Variants in USP40 observed in about 807,000 individuals in gnomAD.
The protein encoded by USP40 is ubiquitin carboxyl-terminal hydrolase 40.
A neutral mutation model predicts 166.2 loss-of-function variants in USP40; 143 were observed. That is an observed-to-expected ratio of 0.86 (90% CI 0.75 to 0.99). USP40 has a LOEUF of 0.99. USP40 is among the 50% of genes least tolerant of loss of function. USP40 has a pLI of 0.00. For missense variants in USP40, 1,444 were observed against 1,479.7 expected (o/e 0.98, Z 0.40); for synonymous variants, 498 against 524.0 (o/e 0.95, Z 0.68).
At position 233,486,261 on chromosome 2, in the gene USP40, C is replaced by A. The variant is rs1490887200; in HGVS notation, c.3198-284G>T. Among the ~76,000 whole-genome samples, 1 of 152,108 alleles carries A rather than the reference C, an allele frequency of 6.6e-6. No individual in the cohort carries two copies. The highest frequency in any genetic ancestry group is 1.5e-5 in the Non-Finnish European group (1 of 68,022). ...GTGCGGGAGAAAAGGAAAGAGGTGG[C>A]GGCCTGAGCAGGTACGATGTGGCAG... On this transcript the variant is annotated intron_variant, in intron 28 of 31. Transcript: ENST00000678225. The surrounding 1 kb of genome is among the most constrained non-coding windows in gnomAD (Gnocchi z 4.0).
intron 3 of USP40, chr2:233,560,904 C>T: frequency 1.6e-6 from 1 of 621,390 alleles, no homozygotes; most frequent in Non-Finnish European, 2.9e-6. Context: ...ATTTCCTTCA[C>T]CAGAAGAAAG....
intron 27 of USP40, among the ~76,000 whole-genome samples, chr2:233,488,790 C>A (rs1023914420): frequency 6.6e-6 from 1 of 152,110 alleles, no homozygotes; most frequent in African/African-American, 2.4e-5. Flanking sequence ...CCTGAGGTCC[C>A]AGCTACACAG....
chr2:233,508,842 G>A (rs1450904745), intron 21 of USP40, among the ~76,000 whole-genome samples: 1 of 152,142 alleles, frequency 6.6e-6, no homozygotes, highest in Non-Finnish European at 1.5e-5. Flanking sequence ...GGATCATTAT[G>A]AACTCACAGA....
chr2:233,505,605 C>T (rs938226803), intron 21 of USP40, among the ~76,000 whole-genome samples: 3 of 151,980 alleles, frequency 2.0e-5, no homozygotes, highest in South Asian at 2.1e-4. Context: ...TGGACATATA[C>T]AATATACTAA....
intron 10 of USP40, among the ~76,000 whole-genome samples, chr2:233,537,982 T>A (rs757770385): frequency 2.6e-5 from 4 of 152,166 alleles, no homozygotes; most frequent in Non-Finnish European, 5.9e-5. Flanking sequence ...ACATTACATG[T>A]AATGGTAAAA....
intron 10 of USP40, among the ~76,000 whole-genome samples, chr2:233,539,134 CT>C (rs1041061743): frequency 6.6e-6 from 1 of 151,138 alleles, no homozygotes; most frequent in Middle Eastern, 3.4e-3. Flanking sequence ...ACTGTCAAAA[CT>C]TTTTTTTAAA....
At chr2:233,478,119 A>G (rs918514847) in intron 31 of USP40, among the ~76,000 whole-genome samples, 3 of 152,276 alleles carry the variant, frequency 2.0e-5, no homozygotes, top group African/African-American at 7.2e-5. Context: ...CCTTTCCTTC[A>G]ATACGGCCAG....
intron 10 of USP40, among the ~76,000 whole-genome samples, chr2:233,536,897 T>C (rs1185265663): frequency 6.6e-6 from 1 of 152,196 alleles, no homozygotes; most frequent in African/African-American, 2.4e-5. Context: ...TCCTTTTTTT[T>C]CTTTTGGAGA....
rs2064480842 is a variant in USP40, at chr2:233,480,224, G to A, written c.3599+979C>T. On this transcript the variant is annotated intron_variant, in intron 31 of 31. Transcript: ENST00000678225. This position sits in a 1 kb window ranked among gnomAD's most constrained non-coding sequence, Gnocchi z 4.5. ...CGGGCAGCCAAGATACTGAGGGGCAGAAGAAGGGGATTAGGGTGAGCGGGG... is the reference window on the plus strand; with the variant it reads ...CGGGCAGCCAAGATACTGAGGGGCAAAAGAAGGGGATTAGGGTGAGCGGGG... Among the ~76,000 whole-genome samples, 2 of 152,256 alleles carry A rather than the reference G, an allele frequency of 1.3e-5. No individual in the cohort carries two copies. The highest frequency in any genetic ancestry group is 2.9e-5 in the Non-Finnish European group (2 of 68,048).
chr2:233,514,882 C>G (rs1443184841), intron 18 of USP40, among the ~76,000 whole-genome samples: 1 of 152,180 alleles, frequency 6.6e-6, no homozygotes, highest in Non-Finnish European at 1.5e-5. Flanking sequence ...GCATCATCCC[C>G]CCTAAAACTC....
At chr2:233,537,288 C>T (rs1350012330) in intron 10 of USP40, among the ~76,000 whole-genome samples, 4 of 152,132 alleles carry the variant, frequency 2.6e-5, no homozygotes, top group Admixed American at 1.3e-4. Flanking sequence ...ACTTGAGCAT[C>T]TGCAGATGTG....
chr2:233,553,138 C>T (rs1465492676), intron 6 of USP40, among the ~76,000 whole-genome samples: 5 of 152,060 alleles, frequency 3.3e-5, no homozygotes, highest in Admixed American at 3.3e-4. Context: ...AATATACATA[C>T]ATAGACATAG....
At chr2:233,528,150 T>C (rs2068199472) in intron 12 of USP40, among the ~76,000 whole-genome samples, 2 of 152,218 alleles carry the variant, frequency 1.3e-5, no homozygotes, top group South Asian at 4.2e-4. Flanking sequence ...GGCTAATTTT[T>C]GTATTTTTGG....
intron 24 of USP40, among the ~76,000 whole-genome samples, chr2:233,494,790 A>C (rs1292963556): frequency 1.4e-5 from 2 of 144,558 alleles, no homozygotes; most frequent in African/African-American, 5.1e-5. Context: ...ATGCCACTGT[A>C]CTTCAGCCCG....
rs183038477 is a variant in USP40, at chr2:233,512,566, T to G, written c.2437+3A>C. The G allele has an allele frequency of 8.9e-6, 14 of 1,580,016 alleles. No individual in the cohort carries two copies. The African/African-American group carries it at 1.8e-4, about 20-fold the overall frequency. The stretch of plus-strand genomic sequence containing the variant: ...CCTTTTGAAAGTTATCAAAAAGATT[T>G]ACCTGGACAAAGAAGCTTCCCATTT... On this transcript the variant is annotated splice_donor_region_variant and intron_variant, in intron 19 of 31. Coordinates refer to ENST00000678225, the MANE Select transcript of USP40 (RefSeq NM_001365479.2).
chr2:233,518,563 T>A, intron 18 of USP40, among the ~76,000 whole-genome samples: 1 of 120,260 alleles, frequency 8.3e-6, no homozygotes, highest in Non-Finnish European at 1.7e-5. Context: ...TGAGACTCTG[T>A]CTCAAAAAAA....
chr2:233,509,307 A>G (rs2066636972), intron 21 of USP40, among the ~76,000 whole-genome samples: 1 of 152,244 alleles, frequency 6.6e-6, no homozygotes, highest in Non-Finnish European at 1.5e-5. Context: ...TAAAGGTCTC[A>G]GTTCTCAATA....
chr2:233,490,926 T>A (rs1350201292), intron 26 of USP40: 2 of 636,590 alleles, frequency 3.1e-6, no homozygotes, highest in Non-Finnish European at 5.9e-6. Context: ...CGCAAGTCAC[T>A]GAGGATAGAT....
intron 19 of USP40, 164 bp from the exon 20 acceptor site, chr2:233,511,961 T>C: frequency 1.8e-6 from 1 of 567,788 alleles, no homozygotes; most frequent in East Asian, 3.1e-5. Context: ...TTAGGTTTGA[T>C]TTTCAATTTC....
Sources: allele counts gnomAD v4.1 joint callset (sites outside exome capture counted in the v4.1 genomes callset), GRCh38; gene constraint gnomAD v4.1.1; non-coding constraint Gnocchi (gnomAD v3.1); transcripts MANE v1.5; gene names NCBI Gene and HGNC (gene_info 2026-07-23, HGNC 2026-07-21).